Variants in TONSL observed in about 807,000 individuals in gnomAD.
TONSL encodes the protein tonsoku like, DNA repair protein.
Under a neutral mutation model 147.1 loss-of-function variants are expected in TONSL, and 112 were observed. That is an observed-to-expected ratio of 0.76 (90% CI 0.65 to 0.89). TONSL has a LOEUF of 0.89. Among genes scored for constraint, TONSL ranks in the 40% least tolerant of loss-of-function variants. The pLI is 0.00. For missense variants in TONSL, 1,883 were observed against 1,864.6 expected, an observed-to-expected ratio of 1.01 and a Z score of -0.18; for synonymous variants, 868 against 801.5, an observed-to-expected ratio of 1.08 and a Z score of -1.40.
In TONSL at chr8:144,440,761, T is replaced by C; in HGVS notation, c.1121A>G (p.His374Arg). 6.2e-7 allele frequency: 1 copy of C among 1,612,926 alleles called. No homozygotes were observed. The highest frequency in any genetic ancestry group is 8.5e-7 in the Non-Finnish European group (1 of 1,179,970). ...DMKDHHGAVRHYEEELRLRSG... is the reference protein window; with the variant it reads ...DMKDHHGAVRRYEEELRLRSG... Reference sequence around the variant, plus strand: ...GCGCAGCCTCAGTTCCTCCTCATAGTGGCGCACGGCCCCATGGTGGTCCTT... The same window carrying C: ...GCGCAGCCTCAGTTCCTCCTCATAGCGGCGCACGGCCCCATGGTGGTCCTT... The change falls in exon 9 of 26, where the codon CAC (histidine) becomes CGC (arginine). Residue 374 changes from histidine to arginine, a missense_variant. His to Arg is a conservative substitution (Grantham distance 29). Coordinates refer to ENST00000409379, the MANE Select transcript of TONSL (RefSeq NM_013432.5).
At chr8:144,437,367 A>G (rs1823509004) in intron 13 of TONSL, among the ~76,000 whole-genome samples, 1 of 152,236 alleles carries the variant, frequency 6.6e-6, no homozygotes, top group Non-Finnish European at 1.5e-5. Context: ...TCGCAGGGGC[A>G]TGAGGCAGGC....
chr8:144,444,250 C>A lies in TONSL; in HGVS notation c.51G>T (p.Ala17=). 1 of 1,455,052 alleles carries A rather than the reference C, an allele frequency of 6.9e-7. No individual in the cohort carries two copies. The highest frequency in any genetic ancestry group is 1.3e-5 in the South Asian group (1 of 75,512). The allele number at this position is 1,455,052 out of a possible 1,614,324, so 90.1% of individuals were successfully genotyped here. Residue 17 remains alanine (A), a synonymous_variant, in exon 2 of 26, where the codon GCG becomes GCT. Coordinates refer to ENST00000409379, the MANE Select transcript of TONSL (RefSeq NM_013432.5). ...LRQLSKAKAK[A]QRAGQRREEA... is the part of the protein sequence containing the mutation. ...CTTCGCGCCGCTGCCCGGCCCTCTGCGCCTTGGCTTTCGCCTTGCTCAGCT... is the reference window on the plus strand; with the variant it reads ...CTTCGCGCCGCTGCCCGGCCCTCTGAGCCTTGGCTTTCGCCTTGCTCAGCT...
In TONSL at chr8:144,443,959, G is replaced by C. The variant is rs1357109765; in HGVS notation, c.187C>G (p.Pro63Ala). 3.9e-6 allele frequency: 6 copies of C among 1,542,572 alleles called. No homozygotes were observed. The highest frequency in any genetic ancestry group is 5.2e-6 in the Non-Finnish European group (6 of 1,146,626). The change falls in exon 3 of 26, where the codon CCT becomes GCT. Residue 63 changes from proline to alanine, a missense_variant. Physicochemically the swap from Pro to Ala is conservative, Grantham distance 27. Transcript: ENST00000409379. ...CGGTGGGCCACGGCACAGCCCAGAG[G>C]GTCGTCAGCGCGCTCCCGAAGCTGC... is the stretch of plus-strand genomic sequence containing the variant. ...ELQLRERADD[P>A]LGCAVAHRKI...
chr8:144,443,433 C>G (rs1275516204), intron 3 of TONSL, 112 bp from the exon 4 acceptor site: 2 of 1,109,572 alleles, frequency 1.8e-6, no homozygotes, highest in Non-Finnish European at 2.5e-6. Flanking sequence ...CTCCCCCTAA[C>G]CCCCACAGAG....
At position 144,432,274 on chromosome 8, in the gene TONSL, C is replaced by T. The variant is rs1554878847; in HGVS notation, c.3735+11G>A. 5 of 1,612,558 alleles carry T rather than the reference C, an allele frequency of 3.1e-6. No individual in the cohort carries two copies. In the Admixed American group the frequency reaches 8.4e-5, roughly 27 times the overall value. On this transcript the variant is annotated intron_variant, in intron 23 of 25. Transcript: ENST00000409379. ...GGCTCAGTATTTTCTGGGTTCTTCC[C>T]CACCTCGTACCTTGGCCAGGTATCG...
At chr8:144,434,744 G>C in intron 20 of TONSL, 67 bp downstream of exon 20, 8 of 1,546,420 alleles carry the variant, frequency 5.2e-6, no homozygotes, top group Non-Finnish European at 7.0e-6. Context: ...AACCGGGCTG[G>C]TGGAGCCTGT....
Position 144,435,172 on chromosome 8 carries a change from T to C in TONSL, c.2853-2A>G, listed in dbSNP as rs1487656707. Reference sequence around the variant, plus strand: ...CAGGCCACAGAGTGGGTGTCACTGCTGCAGGGACAGAGGCGCTGCTGCTGC... The same window carrying C: ...CAGGCCACAGAGTGGGTGTCACTGCCGCAGGGACAGAGGCGCTGCTGCTGC... On this transcript the variant is annotated splice_acceptor_variant, in intron 18 of 25. Transcript: ENST00000409379. LOFTEE classifies it high-confidence loss of function. 1.3e-6 allele frequency: 2 copies of C among 1,535,904 alleles called. No individual in the cohort carries two copies. The highest frequency in any genetic ancestry group is 1.4e-5 in the African/African-American group (1 of 72,722).
chr8:144,435,584 G>T, intron 17 of TONSL, 34 bp from the exon 18 acceptor site: 1 of 1,562,424 alleles, frequency 6.4e-7, no homozygotes, highest in Non-Finnish European at 8.7e-7. Context: ...TGAGTCAGGA[G>T]CCACAGTGGG....
chr8:144,440,814 C>G lies in TONSL; in HGVS notation c.1068G>C (p.Val356=). The part of the protein sequence containing the change: ...RPGAERAIIH[V]SLATTLGDMK... ...TGTCTCCCAGTGTGGTGGCCAGGGA[C>G]ACGTGGATGATGGCCCGCTCAGCAC... is the stretch of plus-strand genomic sequence containing the variant. Residue 356 remains valine (V), a synonymous_variant, in exon 9 of 26, where the codon GTG becomes GTC. Transcript: ENST00000409379. The G allele has an allele frequency of 6.2e-7, 1 of 1,612,928 alleles. No individual in the cohort carries two copies.
intron 5 of TONSL, 120 bp downstream of exon 5, chr8:144,442,557 T>C (rs1429811535): frequency 6.7e-6 from 10 of 1,493,052 alleles, no homozygotes; most frequent in Non-Finnish European, 9.0e-6. Context: ...GTGTGAGAGG[T>C]GGGGGGATGA....
At chr8:144,434,922 T>C (rs780382893) in intron 19 of TONSL, 33 bp from the exon 20 acceptor site, 4 of 1,612,352 alleles carry the variant, frequency 2.5e-6, no homozygotes, top group Non-Finnish European at 2.5e-6. Context: ...ACCTGGGGGC[T>C]CCCCCGGCTC....
Position 144,429,159 on chromosome 8 carries a change from A to C in TONSL, c.4121T>G (p.Phe1374Cys), listed in dbSNP as rs1554877911. The C allele has an allele frequency of 6.5e-7, 1 of 1,530,840 alleles. No homozygotes were observed. Among genetic ancestry groups the C allele is most frequent in the South Asian group, 1.2e-5 (1 of 83,610 alleles). 94.8% of individuals were successfully genotyped at this position (1,530,840 alleles called of 1,614,324 possible). A position where few individuals can be genotyped will look rare whatever the true frequency, so the allele number is the denominator to read the frequency against. Residue 1374 changes from phenylalanine to cysteine, a missense_variant, in exon 26 of 26, where the codon TTC (phenylalanine) becomes TGC (cysteine). Phe to Cys is a radical substitution (Grantham distance 205). Transcript: ENST00000409379. ...ECTLDHGSKL[F>C]FRRL is the part of the protein sequence containing the mutation. ...GCGCCAGGGTCAGAGGCGCCGAAAGAAGAGCTTGGAGCCGTGGTCCAGCGT... is the reference window on the plus strand; with the variant it reads ...GCGCCAGGGTCAGAGGCGCCGAAAGCAGAGCTTGGAGCCGTGGTCCAGCGT...
chr8:144,431,253 A>T, intron 23 of TONSL, 102 bp from the exon 24 acceptor site: 1 of 1,074,648 alleles, frequency 9.3e-7, no homozygotes, highest in Non-Finnish European at 1.4e-6. Context: ...AAGGGAGCAG[A>T]GTCCCCCATC....
intron 18 of TONSL, 77 bp downstream of exon 18, chr8:144,435,397 A>G (rs1213671751): frequency 1.5e-6 from 2 of 1,362,686 alleles, no homozygotes; most frequent in Non-Finnish European, 2.0e-6. Context: ...CACACGCCCC[A>G]CCCTGACATG....
rs753097353 is a variant in TONSL at position 144,435,945 on chromosome 8, ACTC to A, written c.2485_2487del (p.Glu829del). The A allele has an allele frequency of 1.7e-5, 27 of 1,563,330 alleles. No individual in the cohort carries two copies. Among genetic ancestry groups the A allele is most frequent in the South Asian group, 8.2e-5 (7 of 85,800 alleles). On this transcript the variant is annotated inframe_deletion, in exon 17 of 26. Transcript: ENST00000409379. ...AGCTCCAGCCAGTCCCCGGCCAGGCACTCCTCCTCCGGGATGAGCGCTGCCTGG... is the reference window on the plus strand; with the variant it reads ...AGCTCCAGCCAGTCCCCGGCCAGGCACTCCTCCGGGATGAGCGCTGCCTGG...
In TONSL at chr8:144,438,493, C is replaced by T. The variant is rs141623142; in HGVS notation, c.1631G>A (p.Arg544His). 6.2e-4 allele frequency: 996 copies of T among 1,613,020 alleles called. No homozygotes were observed. Among genetic ancestry groups the T allele is most frequent in the Non-Finnish European group, 7.1e-4 (836 of 1,179,944 alleles). ...HRACIEGQLR[R>H]VQDLVRQGHP... ...CACCTGCCTCACAAGGTCCTGGACGCGGCGCAGCTGGCCCTCGATGCAGGC... is the reference window on the plus strand; with the variant it reads ...CACCTGCCTCACAAGGTCCTGGACGTGGCGCAGCTGGCCCTCGATGCAGGC... The change falls in exon 13 of 26, where the codon CGC becomes CAC. Residue 544 changes from arginine to histidine, a missense_variant. Arg to His is a conservative substitution (Grantham distance 29). Coordinates refer to ENST00000409379, the MANE Select transcript of TONSL (RefSeq NM_013432.5).
In TONSL at chr8:144,428,870, A is replaced by G. The variant is rs1473465188; in HGVS notation, c.*273T>C. The G allele has an allele frequency of 6.4e-6, 2 of 312,984 alleles. No individual in the cohort carries two copies. The highest frequency in any genetic ancestry group is 1.2e-5 in the Non-Finnish European group (2 of 169,540). 19.4% of individuals were successfully genotyped at this position (312,984 alleles called of 1,614,324 possible). A position where few individuals can be genotyped will look rare whatever the true frequency, so the allele number is the denominator to read the frequency against. ...AGTGGTGCGATCTCGGCTCACTGCA[A>G]GCTCCGCCTCCCGGGTTCACGCCAT... is the stretch of plus-strand genomic sequence containing the variant. On this transcript the variant is annotated 3_prime_UTR_variant, in exon 26 of 26. Transcript: ENST00000409379.
At chr8:144,443,104 T>C in intron 4 of TONSL, 34 bp downstream of exon 4, 1 of 1,540,524 alleles carries the variant, frequency 6.5e-7, no homozygotes, top group South Asian at 1.2e-5. Context: ...GGCCCGAAGT[T>C]CAGGAGGCAG....
At position 144,435,052 on chromosome 8, in the gene TONSL, C is replaced by T; in HGVS notation, c.2971G>A (p.Asp991Asn). The change falls in exon 19 of 26, where the codon GAC (aspartate) becomes AAC (asparagine). Residue 991 changes from aspartate to asparagine, a missense_variant. By Grantham distance (23) the Asp-to-Asn change is conservative. Transcript: ENST00000409379. ...CTCTGCAGCACATCAGGGATGAGGT[C>T]CTGTGGGGCCAGCAGGGCCCCCTCT... ...RKEGALLAPQ[D>N]LIPDVLQSND... is the part of the protein sequence containing the mutation. 1 of 1,612,078 alleles carries T rather than the reference C, an allele frequency of 6.2e-7. No homozygotes were observed. Among genetic ancestry groups the T allele is most frequent in the South Asian group, 1.1e-5 (1 of 90,884 alleles).
Sources: allele counts gnomAD v4.1 joint callset (sites outside exome capture counted in the v4.1 genomes callset), GRCh38; gene constraint gnomAD v4.1.1; transcripts MANE v1.5; gene names NCBI Gene and HGNC (gene_info 2026-07-23, HGNC 2026-07-21).